TRPM3: variants seen among roughly 807,000 people sequenced by gnomAD.
The protein encoded by TRPM3 is long transient receptor potential channel 3.
In TRPM3, 77 loss-of-function variants were observed where a neutral mutation model predicts 181.2. The ratio of observed to expected loss-of-function variants is 0.42; its 90% CI spans 0.35 to 0.51. TRPM3 has a LOEUF of 0.51. Among genes scored for constraint, TRPM3 ranks in the 20% least tolerant of loss-of-function variants. The pLI is 0.01. For synonymous variants in TRPM3, 745 were observed against 796.4 expected, an observed-to-expected ratio of 0.94 and a Z score of 1.09; for missense variants, 1,759 against 2,196.7, an observed-to-expected ratio of 0.80 and a Z score of 3.98.
At chr9:70,750,433 A>T (rs1214246466) in intron 8 of TRPM3, among the ~76,000 whole-genome samples, 1 of 152,190 alleles carries the variant, frequency 6.6e-6, no homozygotes, top group Non-Finnish European at 1.5e-5. Context: ...CTATCTGAGC[A>T]AATAAGTTAA....
intron 9 of TRPM3, among the ~76,000 whole-genome samples, chr9:70,680,654 G>A (rs1249780985): frequency 6.6e-6 from 1 of 152,214 alleles, no homozygotes; most frequent in Non-Finnish European, 1.5e-5. Flanking sequence ...ATGGGGCTAA[G>A]AGAGAATGTA....
At chr9:70,953,186 G>A (rs1414821229) in intron 1 of TRPM3, among the ~76,000 whole-genome samples, 2 of 152,150 alleles carry the variant, frequency 1.3e-5, no homozygotes, top group East Asian at 3.8e-4. Context: ...ATAGTGGAGA[G>A]TTTTGCCTGA....
chr9:70,890,890 C>T (rs2096189594), intron 1 of TRPM3, among the ~76,000 whole-genome samples: 1 of 151,918 alleles, frequency 6.6e-6, no homozygotes, highest in Admixed American at 6.6e-5. Flanking sequence ...AGCTCTGCAG[C>T]AGAGCTGGGA....
At chr9:71,445,639 C>T (rs896919281) in intron 1 of TRPM3, among the ~76,000 whole-genome samples, 3 of 152,218 alleles carry the variant, frequency 2.0e-5, no homozygotes, top group East Asian at 1.9e-4. Flanking sequence ...TTTTATCCTT[C>T]AATGACGACT....
intron 24 of TRPM3, among the ~76,000 whole-genome samples, chr9:70,550,112 A>G (rs1366219471): frequency 6.6e-6 from 1 of 152,214 alleles, no homozygotes; most frequent in Non-Finnish European, 1.5e-5. Flanking sequence ...TACTGAGCTT[A>G]GAAACCCAAC....
rs139049245 is a variant in TRPM3, at chr9:70,585,906, T to A, written c.3223+5125A>T. On this transcript the variant is annotated intron_variant, in intron 22 of 25. Coordinates refer to ENST00000677713, the MANE Select transcript of TRPM3 (RefSeq NM_001366145.2). Reference sequence around the variant, plus strand: ...TCCTCCAGGATCTGTACCCCGTCTGTCTCCTCAGACCCTTCCGTCCTACTT... The same window carrying A: ...TCCTCCAGGATCTGTACCCCGTCTGACTCCTCAGACCCTTCCGTCCTACTT... Among the ~76,000 whole-genome samples, 487 of 152,276 alleles carry A rather than the reference T, an allele frequency of 3.2e-3. 2 individuals carry two copies. The highest frequency in any genetic ancestry group is 4.8e-3 in the Non-Finnish European group (327 of 68,018).
At chr9:71,413,854 TTC>T (rs2093598761) in intron 1 of TRPM3, among the ~76,000 whole-genome samples, 1 of 141,664 alleles carries the variant, frequency 7.1e-6, no homozygotes, top group East Asian at 2.1e-4. Flanking sequence ...AAAAATACAT[TTC>T]TCTTTTTTTT....
At chr9:71,060,804 T>C (rs2061241926) in intron 1 of TRPM3, among the ~76,000 whole-genome samples, 1 of 152,118 alleles carries the variant, frequency 6.6e-6, no homozygotes, top group Non-Finnish European at 1.5e-5. Context: ...TGACCACAGG[T>C]ACTAGTCATC....
rs1293628962 is a variant in TRPM3, at chr9:71,283,469, T to C, written c.183+163184A>G. Among the ~76,000 whole-genome samples the C allele has an allele frequency of 2.6e-5, 4 of 152,102 alleles. No individual in the cohort carries two copies. In the East Asian group the frequency reaches 7.7e-4, roughly 29 times the overall value. ...CCACCACCACGCCTGGCTGATTTTTTGCATTTTTTTTTTCTTAGTAGAGAT... is the reference window on the plus strand; with the variant it reads ...CCACCACCACGCCTGGCTGATTTTTCGCATTTTTTTTTTCTTAGTAGAGAT... On this transcript the variant is annotated intron_variant, in intron 1 of 24. Coordinates refer to the TRPM3 transcript ENST00000357533.
rs1036443047 is a variant in TRPM3 at position 71,002,625 on chromosome 9, C to T, written c.177+118553G>A. On this transcript the variant is annotated intron_variant, in intron 1 of 25. Coordinates refer to ENST00000677713, the MANE Select transcript of TRPM3 (RefSeq NM_001366145.2). ...TTTTCCCCTATCATACCTATAGTAT[C>T]ACAGGCATTCAATTAACATTTGATT... Among the ~76,000 whole-genome samples, 13 of 152,276 alleles carry T rather than the reference C, an allele frequency of 8.5e-5. 1 individual carries two copies. The highest frequency in any genetic ancestry group is 3.1e-4 in the African/African-American group (13 of 41,550).
At chr9:70,637,150 C>T (rs1285055944) in intron 11 of TRPM3, among the ~76,000 whole-genome samples, 2 of 151,974 alleles carry the variant, frequency 1.3e-5, no homozygotes, top group African/African-American at 4.8e-5. Flanking sequence ...GAGTGCCTGG[C>T]TCTACACCTC....
intron 5 of TRPM3, among the ~76,000 whole-genome samples, chr9:70,838,148 A>G (rs2094436667): frequency 6.6e-6 from 1 of 152,228 alleles, no homozygotes; most frequent in Non-Finnish European, 1.5e-5. Context: ...GCATGTCAAT[A>G]TGTCATGTTC....
intron 1 of TRPM3, among the ~76,000 whole-genome samples, chr9:71,134,004 TGTGTGTGTGTGCGCGTGCGCGCGC>T (rs1565261112): frequency 1.3e-5 from 1 of 77,810 alleles, no homozygotes; most frequent in Non-Finnish European, 2.5e-5. Context: ...TGTGTGTGTG[TGTGTGTGTGTGCGCGTGCGCGCGC>T]GCGCGTGTCT....
Position 71,334,394 on chromosome 9 carries a change from A to G in TRPM3, c.183+112259T>C, listed in dbSNP as rs115454857. ...TACATGAGTTGCAAACCGCTAGGAAAAAGAGACCAATTTCTAATACAAAAA... is the reference window on the plus strand; with the variant it reads ...TACATGAGTTGCAAACCGCTAGGAAGAAGAGACCAATTTCTAATACAAAAA... On this transcript the variant is annotated intron_variant, in intron 1 of 24. Transcript: ENST00000357533. 6.9e-3 allele frequency among the ~76,000 whole-genome samples: 1,051 copies of G among 151,946 alleles called. 27 individuals carry two copies. The highest frequency in any genetic ancestry group is 0.024 in the African/African-American group (1,006 of 41,454).
intron 1 of TRPM3, among the ~76,000 whole-genome samples, chr9:71,344,573 G>T (rs1311773974): frequency 6.6e-6 from 1 of 152,100 alleles, no homozygotes. Context: ...TTGCTTATTA[G>T]TTGCTAGGAA....
intron 1 of TRPM3, among the ~76,000 whole-genome samples, chr9:71,210,565 A>G (rs1258530805): frequency 6.6e-6 from 1 of 152,054 alleles, no homozygotes; most frequent in Non-Finnish European, 1.5e-5. Flanking sequence ...CTTACTTCCA[A>G]GAGGCCCCAG....
chr9:71,333,676 A>G (rs1320515950), intron 1 of TRPM3, among the ~76,000 whole-genome samples: 1 of 151,898 alleles, frequency 6.6e-6, no homozygotes. Context: ...CTTCAACCCT[A>G]CAAGATAACT....
intron 1 of TRPM3, among the ~76,000 whole-genome samples, chr9:71,088,991 A>G (rs575538415): frequency 2.6e-5 from 4 of 151,488 alleles, no homozygotes; most frequent in African/African-American, 4.8e-5. Context: ...TCTCTAGTAC[A>G]TATCTCTGAA....
At chr9:70,797,051 G>A (rs754388083) in intron 6 of TRPM3, among the ~76,000 whole-genome samples, 11 of 152,170 alleles carry the variant, frequency 7.2e-5, no homozygotes, top group South Asian at 2.1e-4. Context: ...GATTGCTTGA[G>A]CCCAGGAGGT....
Sources: gnomAD v4.1 joint callset for allele counts (sites outside exome capture counted in the v4.1 genomes callset) on GRCh38, gnomAD v4.1.1 for gene constraint, MANE v1.5 for transcripts, NCBI Gene and HGNC (gene_info 2026-07-23, HGNC 2026-07-21) for gene names.